The following SP140L variants were observed in gnomAD, a reference collection of about 807,000 sequenced individuals.
SP140L encodes the protein SP140 like nuclear body protein, also known as nuclear body protein SP140-like protein.
A neutral mutation model predicts 84.3 loss-of-function variants in SP140L; 64 were observed. The ratio of observed to expected loss-of-function variants is 0.76; its 90% CI spans 0.62 to 0.94. The LOEUF is 0.94. Ranked by LOEUF, SP140L falls within the 40% of genes least tolerant of loss-of-function variation. The pLI is 0.00. For missense variants in SP140L, 628 were observed against 692.5 expected, an observed-to-expected ratio of 0.91 and a Z score of 1.05; for synonymous variants, 242 against 236.9, an observed-to-expected ratio of 1.02 and a Z score of -0.20.
At chr2:230,348,430 A>G (rs1202029725) in intron 2 of SP140L, among the ~76,000 whole-genome samples, 1 of 152,204 alleles carries the variant, frequency 6.6e-6, no homozygotes, top group Non-Finnish European at 1.5e-5. Context: ...CAATGAATGC[A>G]TATTAGTATT....
intron 5 of SP140L, among the ~76,000 whole-genome samples, chr2:230,365,573 C>T (rs1262408156): frequency 2.6e-5 from 4 of 151,710 alleles, no homozygotes; most frequent in Non-Finnish European, 2.9e-5. Context: ...TTTACCTTTT[C>T]AAAAACCAAC....
chr2:230,339,903 G>A (rs1396454463), intron 2 of SP140L, among the ~76,000 whole-genome samples: 13 of 149,128 alleles, frequency 8.7e-5, no homozygotes, highest in African/African-American at 3.0e-4. Context: ...GCTGAGGAGA[G>A]CTTTACTTCC....
chr2:230,346,537 G>T (rs113254676), intron 2 of SP140L, among the ~76,000 whole-genome samples: 3,609 of 151,934 alleles, frequency 0.024, 146 homozygotes, highest in African/African-American at 0.082. Flanking sequence ...ACTTGATGGT[G>T]TCCCATAAAC....
At chr2:230,398,373 C>A (rs1220856025) in intron 14 of SP140L, among the ~76,000 whole-genome samples, 2 of 152,154 alleles carry the variant, frequency 1.3e-5, no homozygotes, top group African/African-American at 4.8e-5. Context: ...GAAATCAAAT[C>A]TCTTCTTGAA....
chr2:230,353,417 C>T (rs956043879), intron 2 of SP140L, among the ~76,000 whole-genome samples: 50 of 151,770 alleles, frequency 3.3e-4, no homozygotes, highest in African/African-American at 1.2e-3. Flanking sequence ...TTATCTAGAA[C>T]CTGTATATTT....
chr2:230,332,111 A>G (rs2059740758), intron 2 of SP140L, among the ~76,000 whole-genome samples: 1 of 152,116 alleles, frequency 6.6e-6, no homozygotes, highest in Non-Finnish European at 1.5e-5. Flanking sequence ...AGATAAGGAC[A>G]TTTTCTGCTC....
intron 2 of SP140L, 115 bp downstream of exon 2, chr2:230,328,946 A>AT: frequency 1.1e-5 from 16 of 1,412,338 alleles, no homozygotes; most frequent in Non-Finnish European, 1.3e-5. Flanking sequence ...TTTTTTGTTT[A>AT]TTTTTTGCCA....
rs568358483 is a variant in SP140L, at chr2:230,361,631, T to C, written c.457T>C (p.Ser153Pro). ...CTCTTCAGCAATCCAAGACAAATTG[T>C]CTTTCCAAGAAAGTGATCGAAAAGA... Reference protein sequence around the residue: ...SFKNAIQDKLSFQESDRKERE... With the variant: ...SFKNAIQDKLPFQESDRKERE... The change falls in exon 5 of 19, where the codon TCT (serine) becomes CCT (proline). Residue 153 changes from serine (S) to proline (P), a missense_variant. Coordinates refer to ENST00000415673, the MANE Select transcript of SP140L (RefSeq NM_138402.6). 3 of 1,560,262 alleles carry C rather than the reference T, an allele frequency of 1.9e-6. No homozygotes were observed. Among genetic ancestry groups the C allele is most frequent in the Non-Finnish European group, 2.6e-6 (3 of 1,151,076 alleles).
At chr2:230,389,546 A>G (rs2061718291) in intron 10 of SP140L, among the ~76,000 whole-genome samples, 1 of 152,166 alleles carries the variant, frequency 6.6e-6, no homozygotes, top group Admixed American at 6.5e-5. Flanking sequence ...CTCTGGCTTC[A>G]TCTCTGGCTA....
intron 5 of SP140L, among the ~76,000 whole-genome samples, chr2:230,363,405 T>G (rs893827288): frequency 1.1e-4 from 17 of 152,216 alleles, no homozygotes; most frequent in African/African-American, 4.1e-4. Context: ...TGTATTTTCT[T>G]GATGATTTGT....
chr2:230,352,286 T>G (rs1331414967), intron 2 of SP140L, among the ~76,000 whole-genome samples: 7 of 152,172 alleles, frequency 4.6e-5, no homozygotes, highest in Admixed American at 3.3e-4. Flanking sequence ...AAGAACTACA[T>G]GAGACAGGGT....
In SP140L at chr2:230,350,444, A is replaced by AGTT. The variant is rs371541139; in HGVS notation, c.108-7343_108-7341dup. ...GGTTTAGAGGTATGTGTTATTGTGG[A>AGTT]GTTGTTGTTGTTGTTGTTGTCGTTT... On this transcript the variant is annotated intron_variant, in intron 2 of 18. Coordinates refer to ENST00000415673, the MANE Select transcript of SP140L (RefSeq NM_138402.6). 1.2e-3 allele frequency among the ~76,000 whole-genome samples: 187 copies of AGTT among 152,182 alleles called. 2 individuals are homozygous for AGTT. The highest frequency in any genetic ancestry group is 4.0e-3 in the African/African-American group (168 of 41,536).
intron 2 of SP140L, among the ~76,000 whole-genome samples, chr2:230,342,508 G>C (rs996957710): frequency 2.0e-5 from 3 of 152,160 alleles, no homozygotes; most frequent in Admixed American, 1.3e-4. Context: ...CGGCCATCTT[G>C]GCTCCCGGAG....
intron 13 of SP140L, among the ~76,000 whole-genome samples, chr2:230,395,320 A>T (rs1263004791): frequency 1.3e-5 from 2 of 152,204 alleles, no homozygotes; most frequent in African/African-American, 4.8e-5. Context: ...ACTAGAGCCT[A>T]TAATGCCAGC....
At chr2:230,389,374 C>A (rs1013667410) in intron 10 of SP140L, among the ~76,000 whole-genome samples, 4 of 152,114 alleles carry the variant, frequency 2.6e-5, no homozygotes, top group African/African-American at 9.7e-5. Context: ...TTCTAGAGCT[C>A]CCTGAGCTCC....
intron 10 of SP140L, 125 bp from the exon 11 acceptor site, chr2:230,389,794 A>T: frequency 1.1e-6 from 1 of 932,120 alleles, no homozygotes; most frequent in East Asian, 2.7e-5. Context: ...AAGACTTTGA[A>T]ACTCTAGAGA....
At chr2:230,364,172 T>G (rs1300213022) in intron 5 of SP140L, among the ~76,000 whole-genome samples, 1 of 152,162 alleles carries the variant, frequency 6.6e-6, no homozygotes, top group Non-Finnish European at 1.5e-5. Flanking sequence ...TACAAATTTT[T>G]AATTGTTTTT....
rs1191084864 is a variant in SP140L, at chr2:230,403,703, A to G, written c.*807A>G. The G allele has an allele frequency of 6.6e-6, 1 of 152,156 alleles. No individual in the cohort carries two copies. The highest frequency in any genetic ancestry group is 2.4e-5 in the African/African-American group (1 of 41,432). 9.4% of individuals were successfully genotyped at this position (152,156 alleles called of 1,614,324 possible). On this transcript the variant is annotated 3_prime_UTR_variant, in exon 19 of 19. Transcript: ENST00000415673. ...TTTCGTGGAACTCCTGTGCAAACAT[A>G]TATTATTAAATTTTTTTTCCTCCTG...
chr2:230,357,261 A>G (rs1405140809), intron 2 of SP140L, among the ~76,000 whole-genome samples: 1 of 152,206 alleles, frequency 6.6e-6, no homozygotes, highest in African/African-American at 2.4e-5. Flanking sequence ...ATTCTCAATA[A>G]TGTGGTATTA....
Sources: gnomAD v4.1 joint callset for allele counts (sites outside exome capture counted in the v4.1 genomes callset) on GRCh38, gnomAD v4.1.1 for gene constraint, MANE v1.5 for transcripts, NCBI Gene and HGNC (gene_info 2026-07-23, HGNC 2026-07-21) for gene names.